Variants in KCNQ5 observed in about 807,000 individuals in gnomAD.
KCNQ5 encodes the protein potassium voltage-gated channel subfamily Q member 5, also known as potassium voltage-gated channel subfamily KQT member 5.
KCNQ5 carries 30 observed loss-of-function variants against 98.2 expected under a neutral mutation model. The ratio of observed to expected loss-of-function variants is 0.31; its 90% CI spans 0.23 to 0.41. The LOEUF is 0.41. Ranked by LOEUF, KCNQ5 falls within the 10% of genes least tolerant of loss-of-function variation. The pLI is 1.00. For synonymous variants in KCNQ5, 458 were observed against 449.4 expected (o/e 1.02, Z -0.24); for missense variants, 835 against 1,182.5 (o/e 0.71, Z 4.31).
At chr6:72,934,294 T>C (rs1765807915) in intron 1 of KCNQ5, among the ~76,000 whole-genome samples, 1 of 152,138 alleles carries the variant, frequency 6.6e-6, no homozygotes, top group Admixed American at 6.5e-5. Context: ...ATGATGGTGA[T>C]GATGACTGAT....
chr6:72,886,927 A>G (rs187314118), intron 1 of KCNQ5, among the ~76,000 whole-genome samples: 230 of 152,266 alleles, frequency 1.5e-3, no homozygotes, highest in Non-Finnish European at 2.5e-3. Context: ...TAAAAGGTCT[A>G]CTTCAATAAA....
intron 2 of KCNQ5, among the ~76,000 whole-genome samples, chr6:73,009,653 A>G (rs1473373479): frequency 6.6e-6 from 1 of 152,192 alleles, no homozygotes; most frequent in East Asian, 1.9e-4. Flanking sequence ...CTAAGAAAAA[A>G]GAATACTCGA....
chr6:73,053,871 G>C (rs1772347487), intron 3 of KCNQ5, among the ~76,000 whole-genome samples: 1 of 151,868 alleles, frequency 6.6e-6, no homozygotes, highest in South Asian at 2.1e-4. Context: ...AGGAAATTGA[G>C]ACGCAAAAAA....
At chr6:73,079,685 T>C (rs945859587) in intron 5 of KCNQ5, among the ~76,000 whole-genome samples, 13 of 152,236 alleles carry the variant, frequency 8.5e-5, no homozygotes, top group African/African-American at 2.7e-4. Context: ...TAATGTGGTT[T>C]CCGGCTGCTC....
At chr6:72,807,712 A>G (rs1775024151) in intron 1 of KCNQ5, among the ~76,000 whole-genome samples, 1 of 152,050 alleles carries the variant, frequency 6.6e-6, no homozygotes, top group Non-Finnish European at 1.5e-5. Flanking sequence ...CAGGGTCTCA[A>G]TATGTTGCCC....
At chr6:72,771,514 G>A (rs1237296492) in intron 1 of KCNQ5, among the ~76,000 whole-genome samples, 1 of 151,944 alleles carries the variant, frequency 6.6e-6, no homozygotes, top group Non-Finnish European at 1.5e-5. Flanking sequence ...GTTCATTGTG[G>A]TTTTGCTTTG....
intron 7 of KCNQ5, 85 bp from the exon 8 acceptor site, chr6:73,120,398 A>G (rs1775697529): frequency 1.1e-6 from 1 of 912,980 alleles, no homozygotes; most frequent in East Asian, 2.7e-5. Context: ...CTTCATGTGT[A>G]GTAACTTAAT....
At chr6:72,849,030 T>C (rs972868660) in intron 1 of KCNQ5, among the ~76,000 whole-genome samples, 2 of 152,048 alleles carry the variant, frequency 1.3e-5, no homozygotes, top group Non-Finnish European at 2.9e-5. Flanking sequence ...TGTTTCTGAG[T>C]TGCTTCACTT....
rs181299222 is a variant in KCNQ5, at chr6:72,738,216, G to A, written c.398+115629G>A. On this transcript the variant is annotated intron_variant, in intron 1 of 13. Coordinates refer to ENST00000370398, the MANE Select transcript of KCNQ5 (RefSeq NM_019842.4). ...AAACTTTGAAAAGTAATACCTTACA[G>A]GGCAAAAATAATCTGTTGACAAGAC... Among the ~76,000 whole-genome samples the A allele has an allele frequency of 1.5e-3, 226 of 152,198 alleles. 1 individual carries two copies. The highest frequency in any genetic ancestry group is 5.4e-3 in the African/African-American group (223 of 41,540).
At chr6:72,734,554 T>C (rs896544349) in intron 1 of KCNQ5, among the ~76,000 whole-genome samples, 15 of 152,312 alleles carry the variant, frequency 9.8e-5, no homozygotes, top group African/African-American at 3.1e-4. Context: ...ATTGAAGTTA[T>C]AGCTGATTTC....
intron 1 of KCNQ5, among the ~76,000 whole-genome samples, chr6:72,680,651 T>G (rs1378527575): frequency 6.6e-6 from 1 of 152,210 alleles, no homozygotes; most frequent in East Asian, 1.9e-4. Flanking sequence ...TTAAAATGCT[T>G]CAGTAAGTTA....
At chr6:72,728,342 T>C (rs1453702851) in intron 1 of KCNQ5, among the ~76,000 whole-genome samples, 2 of 152,192 alleles carry the variant, frequency 1.3e-5, no homozygotes, top group African/African-American at 2.4e-5. Context: ...CAGGATCTTA[T>C]TATTTATACC....
intron 2 of KCNQ5, among the ~76,000 whole-genome samples, chr6:73,019,697 T>G (rs891571760): frequency 6.6e-6 from 1 of 152,140 alleles, no homozygotes; most frequent in Non-Finnish European, 1.5e-5. Context: ...AGCCTAAATT[T>G]TAATAAAGGG....
chr6:73,068,701 T>C (rs561812880), intron 3 of KCNQ5, among the ~76,000 whole-genome samples: 72 of 152,314 alleles, frequency 4.7e-4, no homozygotes, highest in African/African-American at 1.6e-3. Context: ...CTGGAAGGGA[T>C]ATAGCATGTT....
chr6:73,012,712 G>A (rs200712795), intron 2 of KCNQ5, among the ~76,000 whole-genome samples: 46 of 151,886 alleles, frequency 3.0e-4, no homozygotes, highest in Non-Finnish European at 4.9e-4. Flanking sequence ...GCTAATACAC[G>A]CTGGGCTTAA....
Position 73,056,440 on chromosome 6 carries a change from C to T in KCNQ5, c.616+14378C>T, listed in dbSNP as rs1319264730. On this transcript the variant is annotated intron_variant, in intron 3 of 13. Coordinates refer to ENST00000370398, the MANE Select transcript of KCNQ5 (RefSeq NM_019842.4). ...TATAGTGTATATAAATAATACAAAA[C>T]AATAACCCTTCTAAGGGTTTCTCGT... 2.6e-5 allele frequency among the ~76,000 whole-genome samples: 4 copies of T among 151,478 alleles called. No individual in the cohort carries two copies. The East Asian group carries it at 7.7e-4, about 29-fold the overall frequency.
At chr6:73,111,979 G>A (rs2150428009) in intron 7 of KCNQ5, among the ~76,000 whole-genome samples, 1 of 152,218 alleles carries the variant, frequency 6.6e-6, no homozygotes. Flanking sequence ...ATAATTTGAA[G>A]CTAGCTCCTA....
At chr6:72,695,013 A>T (rs1490616182) in intron 1 of KCNQ5, among the ~76,000 whole-genome samples, 1 of 152,194 alleles carries the variant, frequency 6.6e-6, no homozygotes, top group Non-Finnish European at 1.5e-5. Flanking sequence ...CTCCAGCTGC[A>T]TCTATATTGC....
intron 1 of KCNQ5, among the ~76,000 whole-genome samples, chr6:72,697,525 T>C (rs1565085895): frequency 6.6e-6 from 1 of 152,100 alleles, no homozygotes; most frequent in Non-Finnish European, 1.5e-5. Flanking sequence ...TAAAACAAAC[T>C]GTAATCCAAG....
Sources: allele counts gnomAD v4.1 joint callset (sites outside exome capture counted in the v4.1 genomes callset), GRCh38; gene constraint gnomAD v4.1.1; transcripts MANE v1.5; gene names NCBI Gene and HGNC (gene_info 2026-07-23, HGNC 2026-07-21).